VWA8: variants seen among roughly 807,000 people sequenced by gnomAD.
VWA8 encodes von Willebrand factor A domain containing 8.
Under a neutral mutation model 241.5 loss-of-function variants are expected in VWA8, and 221 were observed. The observed-to-expected ratio is 0.91, with a 90% CI of 0.82 to 1.02. The LOEUF (loss-of-function observed/expected upper bound fraction) is 1.02. VWA8 is among the 50% of genes least tolerant of loss of function. VWA8 has a pLI of 0.00. For synonymous variants in VWA8, 852 were observed against 827.1 expected (o/e 1.03, Z -0.52); for missense variants, 2,322 against 2,328.7 (o/e 1.00, Z 0.06).
At chr13:41,916,865 CAT>C (rs1399568757) in intron 2 of VWA8, among the ~76,000 whole-genome samples, 7 of 152,328 alleles carry the variant, frequency 4.6e-5, no homozygotes, top group African/African-American at 1.7e-4. Flanking sequence ...CTAATATAAA[CAT>C]AGCACAGTAC....
rs1480751240 is a variant in VWA8, at chr13:41,961,079, C to T, written c.-64G>A. On this transcript the variant is annotated 5_prime_UTR_variant, in exon 1 of 45. Coordinates refer to ENST00000379310, the MANE Select transcript of VWA8 (RefSeq NM_015058.2). ...GGGATCGAGCGGCGTCCCGTGCAGG[C>T]ACCGTGAGGCAGCGCGGAGAAGGGG... 16 of 1,313,960 alleles carry T rather than the reference C, an allele frequency of 1.2e-5. 1 individual carries two copies. The highest frequency in any genetic ancestry group is 2.8e-4 in the Middle Eastern group (1 of 3,592). The allele number at this position is 1,313,960 out of a possible 1,614,324, so 81.4% of individuals were successfully genotyped here.
chr13:41,718,704 T>C (rs1392762936), intron 26 of VWA8, among the ~76,000 whole-genome samples: 3 of 151,628 alleles, frequency 2.0e-5, no homozygotes, highest in African/African-American at 4.8e-5. Context: ...AGATTATATA[T>C]ATATATATAT....
In VWA8 at chr13:41,912,102, C is replaced by T. The variant is rs567924646; in HGVS notation, c.308G>A (p.Gly103Glu). The T allele has an allele frequency of 4.3e-6, 7 of 1,609,572 alleles. No homozygotes were observed. Among genetic ancestry groups the T allele is most frequent in the Admixed American group, 1.7e-5 (1 of 59,960 alleles). The stretch of plus-strand genomic sequence containing the variant: ...AGGTCCTATTAGAAAAACATCTTGC[C>T]CCAAAAGATCCTTCTGCATTATCCA... ...LRWIMQKDLL[G>E]QDVFLIGPPG... The change falls in exon 3 of 45, where the codon GGG becomes GAG. Residue 103 changes from glycine (G) to glutamate (E), a missense_variant. By Grantham distance (98) the Gly-to-Glu change is moderately conservative (BLOSUM62 -2). Transcript: ENST00000379310.
chr13:41,841,643 G>A (rs959673161), intron 12 of VWA8, among the ~76,000 whole-genome samples: 12 of 149,544 alleles, frequency 8.0e-5, no homozygotes, highest in South Asian at 4.2e-4. Flanking sequence ...AAAATTAGCC[G>A]GGTGTGGTGG....
intron 37 of VWA8, among the ~76,000 whole-genome samples, chr13:41,657,505 C>T (rs1394301276): frequency 8.0e-6 from 1 of 125,344 alleles, no homozygotes; most frequent in African/African-American, 3.1e-5. Flanking sequence ...TTTTTTGAAA[C>T]GGAGTCTCAC....
At chr13:41,731,945 G>T (rs9315860) in intron 22 of VWA8, 135 bp downstream of exon 22, 4 of 677,346 alleles carry the variant, frequency 5.9e-6, no homozygotes, top group Non-Finnish European at 9.4e-6. Flanking sequence ...AAATTACCCC[G>T]TCTCAGGTAT....
In VWA8 at chr13:41,937,548, G is replaced by A. The variant is rs184790744; in HGVS notation, c.241+12388C>T. Among the ~76,000 whole-genome samples the A allele has an allele frequency of 5.2e-4, 79 of 152,312 alleles. 1 individual carries two copies. Among genetic ancestry groups the A allele is most frequent in the African/African-American group, 1.7e-3 (69 of 41,562 alleles). ...CAGGTGGTAATGCCAGCAAGGTGGG[G>A]CAGCTGTAAATACAGATGAAGCTTT... On this transcript the variant is annotated intron_variant, in intron 2 of 44. Coordinates refer to ENST00000379310, the MANE Select transcript of VWA8 (RefSeq NM_015058.2).
At chr13:41,785,690 C>T (rs1034141417) in intron 18 of VWA8, among the ~76,000 whole-genome samples, 8 of 152,152 alleles carry the variant, frequency 5.3e-5, no homozygotes, top group Non-Finnish European at 1.2e-4. Context: ...AGATCCTTGC[C>T]ATTTTCCTTT....
At chr13:41,945,306 G>A (rs1877800340) in intron 2 of VWA8, among the ~76,000 whole-genome samples, 1 of 151,300 alleles carries the variant, frequency 6.6e-6, no homozygotes, top group Non-Finnish European at 1.5e-5. Flanking sequence ...AACACAAGGA[G>A]CAACCACAAA....
chr13:41,687,596 G>A (rs1254723001), intron 34 of VWA8, among the ~76,000 whole-genome samples: 2 of 152,042 alleles, frequency 1.3e-5, no homozygotes, highest in Admixed American at 6.6e-5. Flanking sequence ...TAATCTTTGT[G>A]GCCTAGGGGA....
intron 24 of VWA8, among the ~76,000 whole-genome samples, chr13:41,723,987 GTTA>G (rs2045412453): frequency 6.6e-6 from 1 of 152,200 alleles, no homozygotes; most frequent in Non-Finnish European, 1.5e-5. Flanking sequence ...AGCAGGAATA[GTTA>G]TTAAGGTAAG....
chr13:41,833,720 A>AT lies in VWA8; in HGVS notation c.1426-190dup, dbSNP rs202202573. ...AAAGCTTTTTTTTGGTCATTTTAGG[A>AT]TTTTTTTCCATTACTCATTACATAA... On this transcript the variant is annotated intron_variant, in intron 12 of 44. Coordinates refer to ENST00000379310, the MANE Select transcript of VWA8 (RefSeq NM_015058.2). Among the ~76,000 whole-genome samples the AT allele has an allele frequency of 7.8e-3, 1,189 of 152,038 alleles. 8 individuals carry two copies. Among genetic ancestry groups the AT allele is most frequent in the Middle Eastern group, 0.014 (4 of 294 alleles).
chr13:41,775,021 G>A (rs191474967), intron 20 of VWA8, among the ~76,000 whole-genome samples: 21 of 152,262 alleles, frequency 1.4e-4, no homozygotes, highest in African/African-American at 4.8e-4. Flanking sequence ...AAAGATTAGA[G>A]GTTGAAATAT....
At chr13:41,784,745 T>TATATATATATACACACACAC (rs1236023863) in intron 18 of VWA8, among the ~76,000 whole-genome samples, 10 of 102,266 alleles carry the variant, frequency 9.8e-5, no homozygotes, top group African/African-American at 2.7e-4. Flanking sequence ...CACATATATA[T>TATATATATATACACACACAC]ATATATATAT....
intron 5 of VWA8, among the ~76,000 whole-genome samples, chr13:41,890,993 A>G (rs1201296476): frequency 6.6e-6 from 1 of 152,130 alleles, no homozygotes; most frequent in Admixed American, 6.5e-5. Flanking sequence ...GTCAATACCT[A>G]CTGGACCTTT....
intron 17 of VWA8, among the ~76,000 whole-genome samples, chr13:41,794,707 G>C (rs1869611825): frequency 6.6e-6 from 1 of 152,156 alleles, no homozygotes. Flanking sequence ...TCCTTGTCTT[G>C]TGCCAGTTTT....
intron 20 of VWA8, among the ~76,000 whole-genome samples, chr13:41,766,550 T>C (rs914883298): frequency 2.0e-5 from 3 of 152,216 alleles, no homozygotes; most frequent in Non-Finnish European, 4.4e-5. Context: ...CACTGTCTCC[T>C]AAAAATTACC....
chr13:41,838,203 AT>A (rs1234827905), intron 12 of VWA8, among the ~76,000 whole-genome samples: 1 of 152,124 alleles, frequency 6.6e-6, no homozygotes, highest in Non-Finnish European at 1.5e-5. Flanking sequence ...ATCTAAGCTA[AT>A]TTTTTTGAGA....
intron 9 of VWA8, among the ~76,000 whole-genome samples, chr13:41,874,006 C>T (rs1247274547): frequency 1.3e-5 from 2 of 152,116 alleles, no homozygotes; most frequent in African/African-American, 4.8e-5. Flanking sequence ...GGGCTTCATC[C>T]CTGGGATGCA....
Sources: allele counts gnomAD v4.1 joint callset (sites outside exome capture counted in the v4.1 genomes callset), GRCh38; gene constraint gnomAD v4.1.1; transcripts MANE v1.5; gene names NCBI Gene and HGNC (gene_info 2026-07-23, HGNC 2026-07-21).